Variants in B3GALT1 observed in about 807,000 individuals in gnomAD.
The protein encoded by B3GALT1 is UDP-Gal:betaGlcNAc beta 1,3-galactosyltransferase, polypeptide 1.
In B3GALT1, 10 loss-of-function variants were observed where a neutral mutation model predicts 23.2. The ratio of observed to expected loss-of-function variants is 0.43; its 90% CI spans 0.27 to 0.73. The LOEUF is 0.73. Among genes scored for constraint, B3GALT1 ranks in the 30% least tolerant of loss-of-function variants. The pLI is 0.21. For synonymous variants in B3GALT1, 156 were observed against 141.5 expected, an observed-to-expected ratio of 1.10 and a Z score of -0.73; for missense variants, 299 against 405.4, an observed-to-expected ratio of 0.74 and a Z score of 2.25.
At chr2:167,743,879 T>C (rs1687614440) in intron 3 of B3GALT1, among the ~76,000 whole-genome samples, 1 of 152,150 alleles carries the variant, frequency 6.6e-6, no homozygotes, top group Non-Finnish European at 1.5e-5. Flanking sequence ...GGACTTCTTC[T>C]GTTTTTCTAA....
chr2:167,481,730 G>C (rs1306005181), intron 1 of B3GALT1, among the ~76,000 whole-genome samples: 1 of 152,204 alleles, frequency 6.6e-6, no homozygotes, highest in East Asian at 1.9e-4. Flanking sequence ...CCCAAAGCTT[G>C]CCTTTCCAGG....
chr2:167,814,442 T>G (rs1201616961), intron 3 of B3GALT1, among the ~76,000 whole-genome samples: 2 of 152,214 alleles, frequency 1.3e-5, no homozygotes, highest in African/African-American at 4.8e-5. Context: ...ATAGAATTCC[T>G]TCTACTGTGG....
intron 2 of B3GALT1, among the ~76,000 whole-genome samples, chr2:167,638,263 A>C (rs1440862679): frequency 6.6e-6 from 1 of 152,080 alleles, no homozygotes; most frequent in African/African-American, 2.4e-5. Flanking sequence ...ATTGTATGAT[A>C]TTGAAACATT....
rs574135842 is a variant in B3GALT1, at chr2:167,491,767, A to G, written c.-410+1490A>G. The stretch of plus-strand genomic sequence containing the variant: ...GAGGCGGAGCTTGCAGTGAGCCAAG[A>G]TCACACCACTGCACTCCAGCCTGGG... On this transcript the variant is annotated intron_variant, in intron 2 of 4. Transcript: ENST00000392690. Among the ~76,000 whole-genome samples the G allele has an allele frequency of 1.3e-4, 20 of 151,790 alleles. No individual in the cohort carries two copies. In the South Asian group the frequency reaches 4.2e-3, roughly 32 times the overall value.
intron 1 of B3GALT1, among the ~76,000 whole-genome samples, chr2:167,489,461 C>T (rs528480284): frequency 2.4e-4 from 37 of 152,262 alleles, no homozygotes; most frequent in African/African-American, 8.9e-4. Flanking sequence ...AAGAAGCTTG[C>T]CAAGTAAAGC....
Position 167,640,756 on chromosome 2 carries a change from G to GC in B3GALT1, c.-409-6149dup, listed in dbSNP as rs564639215. On this transcript the variant is annotated intron_variant, in intron 2 of 4. Coordinates refer to ENST00000392690, the MANE Select transcript of B3GALT1 (RefSeq NM_020981.4). ...TTGACTTCTGGCTTTTCTTTATTAT[G>GC]CCCCAGTCTTCTTATTCCAAAGCTT... is the stretch of plus-strand genomic sequence containing the variant. Among the ~76,000 whole-genome samples, 536 of 152,098 alleles carry GC rather than the reference G, an allele frequency of 3.5e-3. 2 individuals carry two copies. Among genetic ancestry groups the GC allele is most frequent in the Middle Eastern group, 0.017 (5 of 294 alleles).
intron 3 of B3GALT1, among the ~76,000 whole-genome samples, chr2:167,699,270 G>A (rs1185387753): frequency 6.6e-6 from 1 of 151,714 alleles, no homozygotes; most frequent in Non-Finnish European, 1.5e-5. Context: ...TTTAGCAGAG[G>A]CATATCTTTA....
chr2:167,805,992 C>G (rs57690258), intron 3 of B3GALT1, among the ~76,000 whole-genome samples: 1 of 151,710 alleles, frequency 6.6e-6, no homozygotes, highest in Non-Finnish European at 1.5e-5. Flanking sequence ...TTTGTATCCT[C>G]TTTTATTTCC....
At chr2:167,616,252 T>C (rs1685159467) in intron 2 of B3GALT1, among the ~76,000 whole-genome samples, 1 of 152,060 alleles carries the variant, frequency 6.6e-6, no homozygotes, top group Non-Finnish European at 1.5e-5. Flanking sequence ...ACTCTTATGT[T>C]GATAGATAAG....
At chr2:167,525,111 ATGT>A (rs10573839) in intron 2 of B3GALT1, among the ~76,000 whole-genome samples, 4,151 of 152,290 alleles carry the variant, frequency 0.027, 154 homozygotes, top group East Asian at 0.11. Flanking sequence ...CAGTTAACAC[ATGT>A]TGTTGTATTG....
rs531810150 is a variant in B3GALT1 at position 167,310,199 on chromosome 2, C to A, written c.-511+16865C>A. Among the ~76,000 whole-genome samples, 9 of 151,626 alleles carry A rather than the reference C, an allele frequency of 5.9e-5. No individual in the cohort carries two copies. In the East Asian group the frequency reaches 1.7e-3, roughly 29 times the overall value. The stretch of plus-strand genomic sequence containing the variant: ...CAAACTGTTTCCATTTAGCAAGTTA[C>A]AATTAATGATTTTTTTTTCAACAGG... On this transcript the variant is annotated intron_variant, in intron 1 of 4. Coordinates refer to ENST00000392690, the MANE Select transcript of B3GALT1 (RefSeq NM_020981.4).
chr2:167,615,652 A>G (rs1034329499), intron 2 of B3GALT1, among the ~76,000 whole-genome samples: 3 of 142,288 alleles, frequency 2.1e-5, no homozygotes, highest in African/African-American at 8.6e-5. Flanking sequence ...GTCAATTAAA[A>G]AATAAAAAAA....
chr2:167,620,216 A>C (rs990668838), intron 2 of B3GALT1, among the ~76,000 whole-genome samples: 4 of 152,032 alleles, frequency 2.6e-5, no homozygotes, highest in Non-Finnish European at 4.4e-5. Context: ...TGTGTGAGAG[A>C]CTGCAGGTAG....
chr2:167,441,925 T>G (rs186088022), intron 1 of B3GALT1, among the ~76,000 whole-genome samples: 1 of 151,760 alleles, frequency 6.6e-6, no homozygotes, highest in East Asian at 1.9e-4. Context: ...CATGTGCACA[T>G]TGTGCAGGTT....
chr2:167,308,132 TTAA>T (rs563804520), intron 1 of B3GALT1, among the ~76,000 whole-genome samples: 3 of 152,056 alleles, frequency 2.0e-5, no homozygotes, highest in Non-Finnish European at 2.9e-5. Context: ...TATTGAATAC[TTAA>T]TAAAACCTTA....
chr2:167,586,035 G>C (rs1373812616), intron 2 of B3GALT1, among the ~76,000 whole-genome samples: 1 of 152,190 alleles, frequency 6.6e-6, no homozygotes, highest in African/African-American at 2.4e-5. Flanking sequence ...AAGTGTCTAG[G>C]TAAAGCGCCA....
At chr2:167,386,340 T>C (rs573970477) in intron 1 of B3GALT1, among the ~76,000 whole-genome samples, 1 of 152,094 alleles carries the variant, frequency 6.6e-6, no homozygotes, top group South Asian at 2.1e-4. Context: ...GGTGATTAGA[T>C]TACTGCAAAT....
chr2:167,509,428 A>G (rs952496039), intron 2 of B3GALT1, among the ~76,000 whole-genome samples: 1 of 152,004 alleles, frequency 6.6e-6, no homozygotes, highest in Non-Finnish European at 1.5e-5. Context: ...GACTATATAT[A>G]TACATATGTG....
At chr2:167,438,119 A>G (rs772814548) in intron 1 of B3GALT1, among the ~76,000 whole-genome samples, 1 of 152,254 alleles carries the variant, frequency 6.6e-6, no homozygotes, top group Non-Finnish European at 1.5e-5. Flanking sequence ...CCTATAAAAG[A>G]TGACAGAAAA....
Sources: allele counts gnomAD v4.1 joint callset (sites outside exome capture counted in the v4.1 genomes callset), GRCh38; gene constraint gnomAD v4.1.1; transcripts MANE v1.5; gene names NCBI Gene and HGNC (gene_info 2026-07-23, HGNC 2026-07-21).